The following MBD5 variants were observed in gnomAD, a reference collection of about 807,000 sequenced individuals.
The protein encoded by MBD5 is methyl-CpG-binding domain protein 5.
In MBD5, 13 loss-of-function variants were observed where a neutral mutation model predicts 117.3. The observed-to-expected ratio is 0.11, with a 90% CI of 0.07 to 0.18. The LOEUF (loss-of-function observed/expected upper bound fraction) is 0.18, where lower values mean the gene tolerates loss of function less well. MBD5 is among the 10% of genes least tolerant of loss of function. MBD5 has a pLI of 1.00. For missense variants in MBD5, 1,879 were observed against 2,093.8 expected (o/e 0.90, Z 2.00); for synonymous variants, 727 against 766.4 (o/e 0.95, Z 0.85).
chr2:148,329,113 A>T (rs1283015411), intron 3 of MBD5, among the ~76,000 whole-genome samples: 6 of 152,254 alleles, frequency 3.9e-5, no homozygotes, highest in Non-Finnish European at 5.9e-5. Flanking sequence ...TTAGCTGATT[A>T]TCTGACCCTT....
chr2:148,154,522 T>TC (rs1455198032), intron 1 of MBD5, among the ~76,000 whole-genome samples: 1 of 152,060 alleles, frequency 6.6e-6, no homozygotes, highest in African/African-American at 2.4e-5. Context: ...TGGGCGCCCC[T>TC]CCCCCAGCCT....
chr2:148,368,614 G>C (rs1703769733), intron 4 of MBD5, among the ~76,000 whole-genome samples: 1 of 152,134 alleles, frequency 6.6e-6, no homozygotes, highest in African/African-American at 2.4e-5. Flanking sequence ...AGGCGGTCTT[G>C]TGTTAACGTA....
At chr2:148,124,626 G>C (rs1574039699) in intron 1 of MBD5, among the ~76,000 whole-genome samples, 1 of 152,236 alleles carries the variant, frequency 6.6e-6, no homozygotes, top group Middle Eastern at 3.4e-3. Context: ...GAAAGTGAAA[G>C]ATAAGTGTCT....
chr2:148,220,976 A>G (rs554511347), intron 2 of MBD5, among the ~76,000 whole-genome samples: 2 of 151,976 alleles, frequency 1.3e-5, no homozygotes, highest in African/African-American at 4.8e-5. Flanking sequence ...TCTCTCCTCT[A>G]TCTCCATGAG....
intron 1 of MBD5, among the ~76,000 whole-genome samples, chr2:148,169,216 C>T (rs1182531937): frequency 2.0e-5 from 3 of 151,994 alleles, no homozygotes; most frequent in African/African-American, 7.2e-5. Flanking sequence ...ATCTTAATCA[C>T]CTAATTCTGT....
chr2:148,176,277 A>G (rs1698382030), intron 1 of MBD5, among the ~76,000 whole-genome samples: 1 of 147,778 alleles, frequency 6.8e-6, no homozygotes, highest in South Asian at 2.1e-4. Context: ...AAAGACTCAG[A>G]TAATTACCTC....
At chr2:148,274,205 C>T (rs1701048593) in intron 3 of MBD5, among the ~76,000 whole-genome samples, 4 of 152,064 alleles carry the variant, frequency 2.6e-5, no homozygotes, top group Admixed American at 2.0e-4. Flanking sequence ...CTTATCCTCA[C>T]CCCCGACACC....
chr2:148,195,598 C>T (rs1322357056), intron 2 of MBD5, among the ~76,000 whole-genome samples: 2 of 152,076 alleles, frequency 1.3e-5, no homozygotes, highest in African/African-American at 4.8e-5. Flanking sequence ...CAACAGAATA[C>T]ACATTTTTTT....
intron 3 of MBD5, among the ~76,000 whole-genome samples, chr2:148,281,989 G>A (rs924230793): frequency 6.6e-6 from 1 of 152,140 alleles, no homozygotes; most frequent in East Asian, 1.9e-4. Context: ...ATTCTATAAT[G>A]TCAGCCTTGC....
chr2:148,212,578 C>T (rs11694397), intron 2 of MBD5, among the ~76,000 whole-genome samples: 91,438 of 151,964 alleles, frequency 0.6, 30,114 homozygotes, highest in East Asian at 0.8. Flanking sequence ...GTATTTTAGA[C>T]ATTAAAAAGG....
chr2:148,217,696 G>A lies in MBD5; in HGVS notation c.-830-15549G>A, dbSNP rs376093516. 2.8e-4 allele frequency among the ~76,000 whole-genome samples: 43 copies of A among 152,218 alleles called. 1 individual carries two copies. The highest frequency in any genetic ancestry group is 1.0e-3 in the South Asian group (5 of 4,818). ...GAGTCCTATTCTGTATGACTGGGGC[G>A]TACAGCTGTGGACTGATGCATGCCA... On this transcript the variant is annotated intron_variant, in intron 2 of 13. Transcript: ENST00000642680.
rs142172966 is a variant in MBD5, at chr2:148,335,106, T to C, written c.-679-7108T>C. On this transcript the variant is annotated intron_variant, in intron 3 of 13. Coordinates refer to ENST00000642680, the MANE Select transcript of MBD5 (RefSeq NM_001378120.1). ...TATTCCAAGTCAAAAGCTAGGCAAC[T>C]GACCGGGTGCAGTAGCTCATGCCTG... 2.1e-3 allele frequency among the ~76,000 whole-genome samples: 327 copies of C among 152,174 alleles called. 1 individual carries two copies. The highest frequency in any genetic ancestry group is 7.3e-3 in the African/African-American group (305 of 41,526).
At chr2:148,324,448 AT>A (rs1553500850) in intron 3 of MBD5, among the ~76,000 whole-genome samples, 1 of 152,216 alleles carries the variant, frequency 6.6e-6, no homozygotes, top group East Asian at 1.9e-4. Context: ...TTTTCACAAT[AT>A]TTATTCTTCC....
intron 3 of MBD5, among the ~76,000 whole-genome samples, chr2:148,235,419 G>T (rs1435465415): frequency 1.3e-5 from 2 of 152,078 alleles, no homozygotes; most frequent in African/African-American, 4.8e-5. Flanking sequence ...TAAGAATCAA[G>T]CCCTTTGTTT....
intron 3 of MBD5, among the ~76,000 whole-genome samples, chr2:148,289,809 C>CA (rs1278469259): frequency 6.8e-6 from 1 of 146,772 alleles, no homozygotes; most frequent in Non-Finnish European, 1.5e-5. Context: ...CACTGCTTTG[C>CA]AAAAAATGAA....
chr2:148,027,149 G>T (rs1160247972), intron 1 of MBD5: 1 of 151,952 alleles, frequency 6.6e-6, no homozygotes, highest in Non-Finnish European at 1.5e-5. Context: ...TTGTGCTTTG[G>T]TGTATGTATA....
chr2:148,051,598 T>TGAG (rs2105760845), intron 1 of MBD5, among the ~76,000 whole-genome samples: 1 of 138,422 alleles, frequency 7.2e-6, no homozygotes, highest in Admixed American at 7.8e-5. Context: ...TCTGTTCTGT[T>TGAG]TGTTGAGTGT....
At position 148,139,070 on chromosome 2, in the gene MBD5, TTTTTGAG is replaced by T. The variant is rs758234466; in HGVS notation, c.-924-39626_-924-39620del. ...ATATTGTTTTAGAGAAATTTTTACA[TTTTTGAG>T]TTTAGCAAATTTTGAAACTATTTTT... On this transcript the variant is annotated intron_variant, in intron 1 of 13. Coordinates refer to ENST00000642680, the MANE Select transcript of MBD5 (RefSeq NM_001378120.1). 2.4e-4 allele frequency among the ~76,000 whole-genome samples: 36 copies of T among 152,344 alleles called. No homozygotes were observed. In the South Asian group the frequency reaches 7.5e-3, roughly 32 times the overall value.
At position 148,513,604 on chromosome 2, in the gene MBD5, A is replaced by G. The variant is rs1244942253; in HGVS notation, c.*663A>G. On this transcript the variant is annotated 3_prime_UTR_variant, in exon 14 of 14. Transcript: ENST00000642680. ...TTTGGAATGAACCTTGCCTGGAAGC[A>G]CTGGACTCAATTTCGGGTGTCTAGG... The G allele has an allele frequency of 6.6e-6, 1 of 152,498 alleles. No individual in the cohort carries two copies. The highest frequency in any genetic ancestry group is 1.5e-5 in the Non-Finnish European group (1 of 68,106). 9.4% of individuals were successfully genotyped at this position (152,498 alleles called of 1,614,324 possible). A position where few individuals can be genotyped will look rare whatever the true frequency, so the allele number is the denominator to read the frequency against.
Sources: gnomAD v4.1 joint callset for allele counts (sites outside exome capture counted in the v4.1 genomes callset) on GRCh38, gnomAD v4.1.1 for gene constraint, MANE v1.5 for transcripts, NCBI Gene and HGNC (gene_info 2026-07-23, HGNC 2026-07-21) for gene names.